Variants in RBM47 observed in about 807,000 individuals in gnomAD.
The protein encoded by RBM47 is RNA-binding protein 47.
A neutral mutation model predicts 47.1 loss-of-function variants in RBM47; 21 were observed. That is an observed-to-expected ratio of 0.45 (90% CI 0.32 to 0.64). RBM47 has a LOEUF of 0.64. RBM47 is among the 30% of genes least tolerant of loss of function. RBM47 has a pLI of 0.05. For synonymous variants in RBM47, 375 were observed against 361.7 expected (o/e 1.04, Z -0.42); for missense variants, 708 against 870.9 (o/e 0.81, Z 2.35).
At chr4:40,542,829 G>C (rs1728679612) in intron 2 of RBM47, 1 of 144,408 alleles carries the variant, frequency 6.9e-6, no homozygotes, top group Non-Finnish European at 1.6e-5. Context: ...GAGCCACTCT[G>C]GCTAGCTTAG....
chr4:40,484,781 AT>A (rs928890666), intron 2 of RBM47, among the ~76,000 whole-genome samples: 2 of 151,946 alleles, frequency 1.3e-5, no homozygotes, highest in African/African-American at 2.4e-5. Flanking sequence ...CTCCAAAAGG[AT>A]TTTTTTTATC....
At chr4:40,493,426 G>GTT (rs1722164842) in intron 2 of RBM47, among the ~76,000 whole-genome samples, 1 of 152,162 alleles carries the variant, frequency 6.6e-6, no homozygotes, top group Non-Finnish European at 1.5e-5. Flanking sequence ...TTGGCACACG[G>GTT]TAAGTGCTCA....
At chr4:40,585,396 G>C (rs890957208) in intron 1 of RBM47, among the ~76,000 whole-genome samples, 6 of 152,118 alleles carry the variant, frequency 3.9e-5, no homozygotes, top group Admixed American at 3.9e-4. Flanking sequence ...CAATCATCAA[G>C]AACTATGACT....
chr4:40,560,735 G>A (rs1730529228), intron 1 of RBM47, among the ~76,000 whole-genome samples: 1 of 152,356 alleles, frequency 6.6e-6, no homozygotes, highest in Non-Finnish European at 1.5e-5. Context: ...GGGAGGCCAA[G>A]GCAGGTGGAT....
intron 3 of RBM47, among the ~76,000 whole-genome samples, chr4:40,450,492 T>G (rs1232970538): frequency 6.6e-6 from 1 of 151,560 alleles, no homozygotes; most frequent in Non-Finnish European, 1.5e-5. Context: ...GTCCCAGCTA[T>G]TTGGGAGGCT....
At chr4:40,483,146 A>T (rs1343969994) in intron 2 of RBM47, among the ~76,000 whole-genome samples, 1 of 152,238 alleles carries the variant, frequency 6.6e-6, no homozygotes, top group Non-Finnish European at 1.5e-5. Flanking sequence ...ATTAGCGAGG[A>T]GTATAAGCTC....
rs56005602 is a variant in RBM47 at position 40,539,739 on chromosome 4, CAAAAAAAAAAAAAAA to C, written c.-155+4668_-155+4682del. The stretch of plus-strand genomic sequence containing the variant: ...TGGGCGACAGAGCAAGACTCTGTCT[CAAAAAAAAAAAAAAA>C]AAAAAAAAAAAAAAAGATATATCTT... On this transcript the variant is annotated intron_variant, in intron 2 of 6. Coordinates refer to ENST00000295971, the MANE Select transcript of RBM47 (RefSeq NM_001098634.2). Among the ~76,000 whole-genome samples, 25 of 56,294 alleles carry C rather than the reference CAAAAAAAAAAAAAAA, an allele frequency of 4.4e-4. 1 individual carries two copies. Among genetic ancestry groups the C allele is most frequent in the Non-Finnish European group, 3.3e-4 (11 of 32,888 alleles). 36.9% of individuals were successfully genotyped at this position (56,294 alleles called of 152,430 possible).
chr4:40,489,000 C>T (rs1472284595), intron 2 of RBM47, among the ~76,000 whole-genome samples: 1 of 152,168 alleles, frequency 6.6e-6, no homozygotes, highest in Non-Finnish European at 1.5e-5. Flanking sequence ...TATCCAGGTT[C>T]CCAAACCCCA....
intron 2 of RBM47, among the ~76,000 whole-genome samples, chr4:40,507,976 G>A (rs760037556): frequency 4.6e-5 from 7 of 151,908 alleles, no homozygotes; most frequent in Non-Finnish European, 8.8e-5. Context: ...TGAGGCAGGA[G>A]AATAGCTTCA....
At chr4:40,474,243 C>G (rs533106757) in intron 2 of RBM47, among the ~76,000 whole-genome samples, 1 of 152,300 alleles carries the variant, frequency 6.6e-6, no homozygotes, top group East Asian at 1.9e-4. Context: ...TTAGTCTAAA[C>G]CTTTGAACCT....
At chr4:40,572,035 A>G (rs1053774772) in intron 1 of RBM47, among the ~76,000 whole-genome samples, 1 of 145,970 alleles carries the variant, frequency 6.9e-6, no homozygotes, top group Non-Finnish European at 1.5e-5. Context: ...AAAGAAAAAA[A>G]AAAAGAATTT....
At chr4:40,528,634 A>C (rs1159169004) in intron 2 of RBM47, among the ~76,000 whole-genome samples, 1 of 151,098 alleles carries the variant, frequency 6.6e-6, no homozygotes, top group Non-Finnish European at 1.5e-5. Context: ...GCATGGTGGC[A>C]TGCACCTGTA....
intron 1 of RBM47, among the ~76,000 whole-genome samples, chr4:40,575,378 C>A (rs1310865449): frequency 6.6e-6 from 1 of 151,870 alleles, no homozygotes; most frequent in Non-Finnish European, 1.5e-5. Context: ...ATGGAGAAAC[C>A]CGGTCTCTAC....
intron 1 of RBM47, among the ~76,000 whole-genome samples, chr4:40,567,710 T>C (rs16852342): frequency 0.077 from 11,704 of 151,988 alleles, 763 homozygotes; most frequent in African/African-American, 0.17. Context: ...AGGGCTAGCC[T>C]GACAGAATCA....
intron 2 of RBM47, among the ~76,000 whole-genome samples, chr4:40,495,529 G>A (rs566549996): frequency 6.6e-6 from 1 of 152,004 alleles, no homozygotes; most frequent in Non-Finnish European, 1.5e-5. Flanking sequence ...TTGAACCCAT[G>A]AGGCAGAGGT....
intron 3 of RBM47, among the ~76,000 whole-genome samples, chr4:40,445,247 C>T (rs13134146): frequency 6.7e-6 from 1 of 149,460 alleles, no homozygotes; most frequent in Non-Finnish European, 1.5e-5. Context: ...GCACTCCAGC[C>T]TGGGCGACAG....
chr4:40,583,653 TC>T (rs1189633992), intron 1 of RBM47, among the ~76,000 whole-genome samples: 1 of 151,158 alleles, frequency 6.6e-6, no homozygotes, highest in Non-Finnish European at 1.5e-5. Flanking sequence ...GGTCAGGAGA[TC>T]GAGACCATCC....
intron 2 of RBM47, among the ~76,000 whole-genome samples, chr4:40,478,241 C>T (rs1719913366): frequency 6.6e-6 from 1 of 152,032 alleles, no homozygotes; most frequent in South Asian, 2.1e-4. Flanking sequence ...TCTTGAACTC[C>T]CGACCTCAGG....
chr4:40,572,941 C>T (rs1320824609), intron 1 of RBM47, among the ~76,000 whole-genome samples: 1 of 151,362 alleles, frequency 6.6e-6, no homozygotes, highest in Non-Finnish European at 1.5e-5. Context: ...TACTTGAGGC[C>T]AGGAGTTCAA....
Sources: allele counts gnomAD v4.1 joint callset (sites outside exome capture counted in the v4.1 genomes callset), GRCh38; gene constraint gnomAD v4.1.1; transcripts MANE v1.5; gene names NCBI Gene and HGNC (gene_info 2026-07-23, HGNC 2026-07-21).